The following ZNF280B variants were observed in gnomAD, a reference collection of about 807,000 sequenced individuals.
ZNF280B encodes the protein suppressor of hairy wing homolog 2.
In ZNF280B, 16 loss-of-function variants were observed where a neutral mutation model predicts 38.0. The ratio of observed to expected loss-of-function variants is 0.42; its 90% CI spans 0.28 to 0.64. ZNF280B has a LOEUF of 0.64. ZNF280B is among the 30% of genes least tolerant of loss of function. ZNF280B has a pLI of 0.21. For synonymous variants in ZNF280B, 253 were observed against 230.6 expected (o/e 1.10, Z -0.88); for missense variants, 581 against 639.6 (o/e 0.91, Z 0.99).
intron 3 of ZNF280B, 30 bp from the exon 4 acceptor site, chr22:22,489,496 G>T: frequency 9.6e-7 from 1 of 1,043,978 alleles, no homozygotes; most frequent in Non-Finnish European, 1.4e-6. Context: ...AGTAAGTACA[G>T]GAAAATGCAT....
At chr22:22,495,225 G>A (rs1295213845) in intron 2 of ZNF280B, among the ~76,000 whole-genome samples, 1 of 151,932 alleles carries the variant, frequency 6.6e-6, no homozygotes, top group African/African-American at 2.4e-5. Flanking sequence ...AAAATTGGCT[G>A]TTTCCCACAT....
intron 3 of ZNF280B, among the ~76,000 whole-genome samples, chr22:22,490,905 G>A (rs369139915): frequency 2.6e-5 from 4 of 151,446 alleles, no homozygotes; most frequent in East Asian, 2.0e-4. Context: ...TATCCCTCTC[G>A]GTGAGGTTCT....
chr22:22,498,105 A>C (rs2061737911), intron 2 of ZNF280B, among the ~76,000 whole-genome samples: 1 of 152,024 alleles, frequency 6.6e-6, no homozygotes, highest in African/African-American at 2.4e-5. Context: ...CAGTGACAAA[A>C]GCTCATATAT....
At chr22:22,498,793 C>CTTTTTTTTTTTT (rs60940298) in intron 2 of ZNF280B, among the ~76,000 whole-genome samples, 3 of 83,654 alleles carry the variant, frequency 3.6e-5, no homozygotes, top group Admixed American at 2.0e-4. Context: ...GGCCAATATC[C>CTTTTTTTTTTTT]TTTTTTTTTT....
intron 1 of ZNF280B, among the ~76,000 whole-genome samples, chr22:22,508,194 G>A (rs1316705600): frequency 2.6e-5 from 4 of 151,924 alleles, no homozygotes; most frequent in Non-Finnish European, 5.9e-5. Flanking sequence ...GCTGCGGTAG[G>A]GGAGAGAGAC....
rs1203041550 is a variant in ZNF280B, at chr22:22,488,803, G to T, written c.596C>A (p.Ser199Tyr). Residue 199 changes from serine (S) to tyrosine (Y), a missense_variant, in exon 4 of 4, where the codon TCT becomes TAT. Ser to Tyr is a moderately radical substitution (Grantham distance 144, BLOSUM62 -2). Coordinates refer to ENST00000626650, the MANE Select transcript of ZNF280B (RefSeq NM_080764.4). ...KLRDGIIEGN[S>Y]SASFPSDTFH... ...GGTATCTGAAGGGAATGAAGCTGAA[G>T]AATTTCCTTCTATAATTCCATCCCT... is the stretch of plus-strand genomic sequence containing the variant. 6.2e-7 allele frequency: 1 copy of T among 1,613,708 alleles called. No homozygotes were observed. The highest frequency in any genetic ancestry group is 8.5e-7 in the Non-Finnish European group (1 of 1,179,956).
At chr22:22,493,726 C>T (rs373001789) in intron 3 of ZNF280B, among the ~76,000 whole-genome samples, 33 of 152,042 alleles carry the variant, frequency 2.2e-4, no homozygotes, top group African/African-American at 7.5e-4. Flanking sequence ...GTACTAGACC[C>T]TAAATTGTTC....
rs1022268546 is a variant in ZNF280B at position 22,488,570 on chromosome 22, T to C, written c.829A>G (p.Lys277Glu). Residue 277 changes from lysine to glutamate, a missense_variant, in exon 4 of 4, where the codon AAG (lysine) becomes GAG (glutamate). By Grantham distance (56) the Lys-to-Glu change is moderately conservative. Coordinates refer to ENST00000626650, the MANE Select transcript of ZNF280B (RefSeq NM_080764.4). ...LTSQNKTFDPKKENPIVLLSD... is the reference protein window; with the variant it reads ...LTSQNKTFDPEKENPIVLLSD... ...AGTAACACAATGGGATTTTCTTTCTTGGGATCAAAGGTCTTGTTTTGACTT... is the reference window on the plus strand; with the variant it reads ...AGTAACACAATGGGATTTTCTTTCTCGGGATCAAAGGTCTTGTTTTGACTT... The C allele has an allele frequency of 1.9e-6, 3 of 1,613,918 alleles. No homozygotes were observed. The highest frequency in any genetic ancestry group is 1.7e-6 in the Non-Finnish European group (2 of 1,179,968).
At chr22:22,500,654 G>C (rs1009443521) in intron 2 of ZNF280B, among the ~76,000 whole-genome samples, 1 of 151,736 alleles carries the variant, frequency 6.6e-6, no homozygotes, top group African/African-American at 2.4e-5. Flanking sequence ...TCAGGAGTTC[G>C]AGATCAGCTT....
At position 22,485,547 on chromosome 22, in the gene ZNF280B, T is replaced by C. The variant is rs895867927; in HGVS notation, c.*2220A>G. ...CGGCAAATAAATACAACAGAATCTA[T>C]GGATCTAGAGTCAGAAAATTTTCTA... On this transcript the variant is annotated 3_prime_UTR_variant, in exon 4 of 4. Transcript: ENST00000626650. The C allele has an allele frequency of 2.0e-5, 3 of 151,932 alleles. No homozygotes were observed. Among genetic ancestry groups the C allele is most frequent in the African/African-American group, 7.3e-5 (3 of 41,366 alleles). The allele number at this position is 151,932 out of a possible 1,614,324, so 9.4% of individuals were successfully genotyped here. A position where few individuals can be genotyped will look rare whatever the true frequency, so the allele number is the denominator to read the frequency against.
intron 2 of ZNF280B, among the ~76,000 whole-genome samples, chr22:22,505,142 T>C (rs889964299): frequency 1.3e-5 from 2 of 151,884 alleles, no homozygotes; most frequent in East Asian, 3.9e-4. Context: ...ACTGGAGCAC[T>C]TAACACATGC....
At chr22:22,492,459 A>T (rs1231008307) in intron 3 of ZNF280B, among the ~76,000 whole-genome samples, 1 of 151,988 alleles carries the variant, frequency 6.6e-6, no homozygotes, top group Non-Finnish European at 1.5e-5. Flanking sequence ...GGTGGCAACT[A>T]AAAATGGCTC....
At chr22:22,499,689 CCAGA>C (rs2061778100) in intron 2 of ZNF280B, among the ~76,000 whole-genome samples, 1 of 151,982 alleles carries the variant, frequency 6.6e-6, no homozygotes, top group South Asian at 2.1e-4. Context: ...ACTTTCTCCA[CCAGA>C]CAAAGGCATC....
chr22:22,489,339 G>T lies in ZNF280B; in HGVS notation c.60C>A (p.Thr20=), dbSNP rs1473494126. ...CAGCATCTTCGTCATCTACTTGTTTGGTTTCTTGTATGTTCTTCTGTGGTT... is the reference window on the plus strand; with the variant it reads ...CAGCATCTTCGTCATCTACTTGTTTTGTTTCTTGTATGTTCTTCTGTGGTT... The part of the protein sequence containing the change: ...EPEPQKNIQE[T]KQVDDEDAEL... The change falls in exon 4 of 4, where the codon ACC becomes ACA. Residue 20 remains threonine (T), a synonymous_variant. Transcript: ENST00000626650. The T allele has an allele frequency of 1.9e-6, 3 of 1,613,326 alleles. No homozygotes were observed. Among genetic ancestry groups the T allele is most frequent in the Non-Finnish European group, 2.5e-6 (3 of 1,179,880 alleles).
chr22:22,488,103 C>G lies in ZNF280B; in HGVS notation c.1296G>C (p.Leu432Phe). Residue 432 changes from leucine (L) to phenylalanine (F), a missense_variant, in exon 4 of 4, where the codon TTG becomes TTC. Coordinates refer to ENST00000626650, the MANE Select transcript of ZNF280B (RefSeq NM_080764.4). ...FRTCHENTKNLLCPFCLKIFK... is the reference protein window; with the variant it reads ...FRTCHENTKNFLCPFCLKIFK... The stretch of plus-strand genomic sequence containing the variant: ...AAATTTTGAGACAAAAGGGACAAAG[C>G]AAATTCTTTGTGTTTTCATGGCACG... 1.2e-6 allele frequency: 2 copies of G among 1,613,852 alleles called. No homozygotes were observed. Among genetic ancestry groups the G allele is most frequent in the Non-Finnish European group, 1.7e-6 (2 of 1,179,958 alleles).
At chr22:22,502,628 G>A (rs1428400438) in intron 2 of ZNF280B, among the ~76,000 whole-genome samples, 1 of 151,760 alleles carries the variant, frequency 6.6e-6, no homozygotes, top group Non-Finnish European at 1.5e-5. Context: ...CATACAATAC[G>A]GTGTACCTTG....
At chr22:22,499,110 C>T (rs1283517004) in intron 2 of ZNF280B, among the ~76,000 whole-genome samples, 1 of 150,624 alleles carries the variant, frequency 6.6e-6, no homozygotes, top group Non-Finnish European at 1.5e-5. Context: ...ATATCCCTTA[C>T]AGAGGCAAAA....
intron 2 of ZNF280B, among the ~76,000 whole-genome samples, chr22:22,496,835 G>A (rs77591675): frequency 8.9e-5 from 9 of 100,670 alleles, no homozygotes; most frequent in Non-Finnish European, 1.0e-4. Flanking sequence ...TTTTTTTTTT[G>A]AGATGGGAGT....
In ZNF280B at chr22:22,489,393, T is replaced by C. The variant is rs760421357; in HGVS notation, c.6A>G (p.Glu2=). Residue 2 remains glutamate (E), a synonymous_variant, in exon 4 of 4, where the codon GAA becomes GAG. Transcript: ENST00000626650. The stretch of plus-strand genomic sequence containing the variant: ...GCTCTTTCTCTTCCTCACATGATTG[T>C]TCCATTTTCTAATTTTTTTATTCCT... M[E]QSCEEEKEPE... 5.7e-6 allele frequency: 9 copies of C among 1,582,360 alleles called. No homozygotes were observed. In the East Asian group the frequency reaches 1.3e-4, roughly 24 times the overall value.
Sources: gnomAD v4.1 joint callset for allele counts (sites outside exome capture counted in the v4.1 genomes callset) on GRCh38, gnomAD v4.1.1 for gene constraint, MANE v1.5 for transcripts, NCBI Gene and HGNC (gene_info 2026-07-23, HGNC 2026-07-21) for gene names.